PRIM2: variants seen among roughly 807,000 people sequenced by gnomAD.
PRIM2 encodes the protein DNA primase large subunit.
A neutral mutation model predicts 67.3 loss-of-function variants in PRIM2; 39 were observed. The ratio of observed to expected loss-of-function variants is 0.58; its 90% CI spans 0.45 to 0.76. PRIM2 has a LOEUF of 0.76. Ranked by LOEUF, PRIM2 falls within the 30% of genes least tolerant of loss-of-function variation. PRIM2 has a pLI of 0.00. For missense variants in PRIM2, 398 were observed against 598.7 expected (o/e 0.66, Z 3.50); for synonymous variants, 143 against 198.7 (o/e 0.72, Z 2.36).
chr6:57,570,788 A>G (rs1281909666), intron 10 of PRIM2, among the ~76,000 whole-genome samples: 4 of 152,150 alleles, frequency 2.6e-5, no homozygotes, highest in Admixed American at 2.6e-4. Context: ...TGCAGTCACT[A>G]TTTTATGGCT....
intron 3 of PRIM2, among the ~76,000 whole-genome samples, chr6:57,322,616 T>G (rs551434117): frequency 6.6e-6 from 1 of 152,186 alleles, no homozygotes; most frequent in Non-Finnish European, 1.5e-5. Flanking sequence ...ATTGTAAGTT[T>G]CCTGAGGTCT....
intron 5 of PRIM2, among the ~76,000 whole-genome samples, chr6:57,339,295 G>A (rs557011576): frequency 0.034 from 5,101 of 152,122 alleles, 280 homozygotes; most frequent in African/African-American, 0.12. Flanking sequence ...GTAATTTACA[G>A]ATTCAATGCC....
At chr6:57,311,279 G>GAT (rs1767383430), upstream of PRIM2, among the ~76,000 whole-genome samples, 1 of 140,790 alleles carries the variant, frequency 7.1e-6, no homozygotes, top group East Asian at 2.2e-4. Context: ...CTTCCCAGAC[G>GAT]GGGCGGCCGG....
At chr6:57,327,461 T>C (rs572938975) in intron 5 of PRIM2, among the ~76,000 whole-genome samples, 1 of 152,302 alleles carries the variant, frequency 6.6e-6, no homozygotes, top group Admixed American at 6.5e-5. Context: ...AAAGAGACTG[T>C]GAAGGGAAGT....
At chr6:57,301,308 A>G in the PRIM2 span, among the ~76,000 whole-genome samples, 1 of 151,608 alleles carries the variant, frequency 6.6e-6, no homozygotes, top group Non-Finnish European at 1.5e-5. Context: ...ACCAACATGG[A>G]GAAACCCCAT....
intron 7 of PRIM2, among the ~76,000 whole-genome samples, chr6:57,447,362 CA>C (rs1419364450): frequency 6.6e-6 from 1 of 152,116 alleles, no homozygotes; most frequent in Non-Finnish European, 1.5e-5. Flanking sequence ...AATTGAAGAA[CA>C]AAGTAACACC....
the PRIM2 span, among the ~76,000 whole-genome samples, chr6:57,268,681 G>A: frequency 2.0e-5 from 3 of 151,164 alleles, no homozygotes; most frequent in African/African-American, 7.3e-5. Context: ...TGTGCACAAC[G>A]TGCAGGTTTG....
chr6:57,456,223 T>A (rs1772774048), intron 7 of PRIM2, among the ~76,000 whole-genome samples: 2 of 152,316 alleles, frequency 1.3e-5, no homozygotes, highest in South Asian at 4.1e-4. Flanking sequence ...TTAACATTGT[T>A]TCCTTCATTT....
Position 57,318,455 on chromosome 6 carries a change from T to C in PRIM2, c.10T>C (p.Ser4Pro). The change falls in exon 2 of 14, where the codon TCT (serine) becomes CCT (proline). Residue 4 changes from serine to proline, a missense_variant. Physicochemically the swap from Ser to Pro is moderately conservative, Grantham distance 74. This residue lies in a region of PRIM2 where 96 missense variants were observed against 98.3 expected (regional missense o/e 0.98). Transcript: ENST00000615550. MEFSGRKWRKLRLA... is the reference protein window; with the variant it reads MEFPGRKWRKLRLA... ...TTCTAAGGTGACCAAGATGGAGTTTTCTGGAAGAAAGTGGAGGAAGCTGAG... is the reference window on the plus strand; with the variant it reads ...TTCTAAGGTGACCAAGATGGAGTTTCCTGGAAGAAAGTGGAGGAAGCTGAG... 1 of 1,611,926 alleles carries C rather than the reference T, an allele frequency of 6.2e-7. No homozygotes were observed. The highest frequency in any genetic ancestry group is 8.5e-7 in the Non-Finnish European group (1 of 1,179,038).
chr6:57,639,786 G>C (rs1360120138), intron 13 of PRIM2, among the ~76,000 whole-genome samples: 1 of 149,944 alleles, frequency 6.7e-6, no homozygotes, highest in African/African-American at 2.5e-5. Flanking sequence ...CAGATTCACA[G>C]ACAAATTCCA....
chr6:57,278,799 G>T, the PRIM2 span, among the ~76,000 whole-genome samples: 8 of 152,126 alleles, frequency 5.3e-5, no homozygotes, highest in Admixed American at 1.3e-4. Context: ...AGTTGGGGAG[G>T]TAAAAGAGAG....
intron 12 of PRIM2, among the ~76,000 whole-genome samples, chr6:57,606,848 T>C (rs1776571557): frequency 6.6e-6 from 1 of 152,234 alleles, no homozygotes; most frequent in African/African-American, 2.4e-5. Context: ...TCTGAGCAGA[T>C]GATAATGTGG....
At chr6:57,273,023 TG>T in the PRIM2 span, among the ~76,000 whole-genome samples, 3 of 152,232 alleles carry the variant, frequency 2.0e-5, no homozygotes, top group African/African-American at 7.2e-5. Context: ...CTTCCCTTTG[TG>T]GGTAACCCGA....
At chr6:57,552,888 G>A (rs1284563270) in intron 10 of PRIM2, among the ~76,000 whole-genome samples, 3 of 151,726 alleles carry the variant, frequency 2.0e-5, no homozygotes, top group East Asian at 1.9e-4. Flanking sequence ...CTTGTTTTCC[G>A]TAGTCTTTCA....
chr6:57,237,848 G>A, the PRIM2 span, among the ~76,000 whole-genome samples: 51 of 152,252 alleles, frequency 3.3e-4, no homozygotes, highest in Non-Finnish European at 3.4e-4. Flanking sequence ...ATCAGGTAGC[G>A]TGATGCCTCC....
At chr6:57,481,556 C>T (rs1197519365) in intron 7 of PRIM2, among the ~76,000 whole-genome samples, 1 of 151,262 alleles carries the variant, frequency 6.6e-6, no homozygotes, top group Non-Finnish European at 1.5e-5. Context: ...CATTTGTGTA[C>T]AGGTTTTTGT....
At chr6:57,531,169 T>G (rs1369180052) in intron 8 of PRIM2, among the ~76,000 whole-genome samples, 5 of 152,208 alleles carry the variant, frequency 3.3e-5, no homozygotes, top group Non-Finnish European at 5.9e-5. Flanking sequence ...TTGTTTGTTT[T>G]TTTGAGACAG....
At chr6:57,603,588 A>G (rs1776508943) in intron 11 of PRIM2, among the ~76,000 whole-genome samples, 1 of 151,820 alleles carries the variant, frequency 6.6e-6, no homozygotes, top group Admixed American at 6.6e-5. Flanking sequence ...CAATAGCCTT[A>G]TAGTATAGTT....
At chr6:57,487,280 A>T (rs1342626310) in intron 7 of PRIM2, among the ~76,000 whole-genome samples, 3 of 152,136 alleles carry the variant, frequency 2.0e-5, no homozygotes, top group Non-Finnish European at 4.4e-5. Context: ...CCCAGGCTGG[A>T]GTGCAGTGGT....
Sources: allele counts gnomAD v4.1 joint callset (sites outside exome capture counted in the v4.1 genomes callset), GRCh38; gene constraint gnomAD v4.1.1; regional missense constraint gnomAD v4.1.1; transcripts MANE v1.5; gene names NCBI Gene and HGNC (gene_info 2026-07-23, HGNC 2026-07-21).